Variants in HTR7 observed in about 807,000 individuals in gnomAD.
HTR7 encodes 5-HT-7.
In HTR7, 16 loss-of-function variants were observed where a neutral mutation model predicts 34.0. That is an observed-to-expected ratio of 0.47 (90% CI 0.32 to 0.71). The LOEUF is 0.71. Ranked by LOEUF, HTR7 falls within the 30% of genes least tolerant of loss-of-function variation. The pLI, the probability that HTR7 is intolerant of heterozygous loss-of-function variation, is 0.04. For synonymous variants in HTR7, 265 were observed against 260.2 expected (o/e 1.02, Z -0.18); for missense variants, 504 against 625.5 (o/e 0.81, Z 2.07).
At chr10:90,827,761 A>G (rs1382530226) in intron 1 of HTR7, among the ~76,000 whole-genome samples, 1 of 152,178 alleles carries the variant, frequency 6.6e-6, no homozygotes, top group African/African-American at 2.4e-5. Flanking sequence ...AGAGAGATAA[A>G]CCCCAATACA....
chr10:90,804,182 A>G (rs1233706652), intron 1 of HTR7, among the ~76,000 whole-genome samples: 1 of 152,012 alleles, frequency 6.6e-6, no homozygotes, highest in African/African-American at 2.4e-5. Context: ...GGGAAAGATC[A>G]CCTTCTTCCC....
rs796880051 is a variant in HTR7 at position 90,793,548 on chromosome 10, A to AC, written c.540-43955_540-43954insG. Reference sequence around the variant, plus strand: ...TTTTAAGAAAGCTCAAAAAAAAAAAAAAAGATCACCTTGGAATTACAGACA... The same window carrying AC: ...TTTTAAGAAAGCTCAAAAAAAAAAAACAAAGATCACCTTGGAATTACAGACA... On this transcript the variant is annotated intron_variant, in intron 1 of 3. Coordinates refer to ENST00000336152, the MANE Select transcript of HTR7 (RefSeq NM_019859.4). 8.7e-3 allele frequency among the ~76,000 whole-genome samples: 1,319 copies of AC among 150,770 alleles called. 24 individuals carry two copies. The highest frequency in any genetic ancestry group is 0.03 in the African/African-American group (1,221 of 41,068).
At chr10:90,807,931 C>T (rs1229284653) in intron 1 of HTR7, among the ~76,000 whole-genome samples, 2 of 152,176 alleles carry the variant, frequency 1.3e-5, no homozygotes, top group Non-Finnish European at 2.9e-5. Context: ...TCTCACTATC[C>T]CTCAACCACT....
intron 1 of HTR7, among the ~76,000 whole-genome samples, chr10:90,766,457 G>A (rs1437233071): frequency 6.6e-6 from 1 of 152,030 alleles, no homozygotes; most frequent in African/African-American, 2.4e-5. Flanking sequence ...GCATGTTATT[G>A]GCTCTTATTT....
Position 90,857,280 on chromosome 10 carries a change from GCCA to G in HTR7, c.389_391del (p.Val130del). ...GCTGACGAAGGGCATGACCGCCACA[GCCA>G]CCGAGAGGTCGGCCAGCGCCAGGGA... On this transcript the variant is annotated inframe_deletion, in exon 1 of 4. Coordinates refer to ENST00000336152, the MANE Select transcript of HTR7 (RefSeq NM_019859.4). This position sits in a 1 kb window ranked among gnomAD's most constrained non-coding sequence, Gnocchi z 6.5. The G allele has an allele frequency of 6.2e-7, 1 of 1,613,864 alleles. No homozygotes were observed. The highest frequency in any genetic ancestry group is 8.5e-7 in the Non-Finnish European group (1 of 1,179,966).
chr10:90,789,658 G>A (rs1845435580), intron 1 of HTR7, among the ~76,000 whole-genome samples: 1 of 152,110 alleles, frequency 6.6e-6, no homozygotes, highest in African/African-American at 2.4e-5. Context: ...AGCCTTTCGT[G>A]ATTGCATAAA....
At chr10:90,847,263 G>A (rs559805741) in intron 1 of HTR7, among the ~76,000 whole-genome samples, 9 of 151,778 alleles carry the variant, frequency 5.9e-5, no homozygotes, top group Admixed American at 5.9e-4. Flanking sequence ...ATTTGGGAGT[G>A]GTCTGTAAGC....
chr10:90,841,558 A>T (rs1021966814), intron 1 of HTR7, among the ~76,000 whole-genome samples: 4 of 152,098 alleles, frequency 2.6e-5, no homozygotes, highest in Admixed American at 2.0e-4. Context: ...AATACCTCTG[A>T]TCCTAAGGGT....
At chr10:90,830,932 T>A (rs1177414875) in intron 1 of HTR7, among the ~76,000 whole-genome samples, 3 of 152,162 alleles carry the variant, frequency 2.0e-5, no homozygotes, top group East Asian at 1.9e-4. Flanking sequence ...TGTTGGAGGA[T>A]CTCCAGACAA....
At chr10:90,826,076 C>A (rs937953277) in intron 1 of HTR7, among the ~76,000 whole-genome samples, 6 of 151,770 alleles carry the variant, frequency 4.0e-5, no homozygotes, top group African/African-American at 1.5e-4. Flanking sequence ...TCCCAAAGGT[C>A]GAAGATAAAG....
At chr10:90,778,569 T>C (rs115595889) in intron 1 of HTR7, among the ~76,000 whole-genome samples, 1,756 of 152,316 alleles carry the variant, frequency 0.012, 36 homozygotes, top group African/African-American at 0.038. Flanking sequence ...TTAGGTATTA[T>C]GTTACAAACA....
chr10:90,830,000 A>G (rs546513220), intron 1 of HTR7, among the ~76,000 whole-genome samples: 2 of 152,398 alleles, frequency 1.3e-5, no homozygotes, highest in South Asian at 2.1e-4. Flanking sequence ...TAAAATGTCC[A>G]TATTAACCAA....
Position 90,830,835 on chromosome 10 carries a change from C to T in HTR7, c.539+26298G>A, listed in dbSNP as rs184537996. 1.6e-4 allele frequency among the ~76,000 whole-genome samples: 24 copies of T among 150,030 alleles called. No homozygotes were observed. In the East Asian group the frequency reaches 2.1e-3, roughly 13 times the overall value. On this transcript the variant is annotated intron_variant, in intron 1 of 3. Transcript: ENST00000336152. ...AAGCAAACAAGCTTTGGCCCAGTTA[C>T]GATGCTCCACAAAAAAGTTAAAAAT... is the stretch of plus-strand genomic sequence containing the variant.
intron 1 of HTR7, among the ~76,000 whole-genome samples, chr10:90,752,407 C>G (rs1186860202): frequency 6.6e-6 from 1 of 152,086 alleles, no homozygotes; most frequent in East Asian, 1.9e-4. Flanking sequence ...TTTTAAAATA[C>G]TTAAATCCAT....
At chr10:90,828,669 G>A (rs968097063) in intron 1 of HTR7, among the ~76,000 whole-genome samples, 7 of 151,926 alleles carry the variant, frequency 4.6e-5, no homozygotes, top group East Asian at 3.9e-4. Context: ...TGAACATACC[G>A]ATAACAAGTA....
chr10:90,855,175 A>G (rs1169221268), intron 1 of HTR7, among the ~76,000 whole-genome samples: 2 of 152,238 alleles, frequency 1.3e-5, no homozygotes, highest in Non-Finnish European at 2.9e-5. Flanking sequence ...GAGAATCTAT[A>G]TGCCTATGTT....
chr10:90,752,110 C>A (rs1177196464), intron 1 of HTR7, among the ~76,000 whole-genome samples: 13 of 152,110 alleles, frequency 8.5e-5, no homozygotes. Context: ...AGACATCCTA[C>A]AATAAGGTAG....
chr10:90,755,666 C>T (rs1245119797), intron 1 of HTR7, among the ~76,000 whole-genome samples: 1 of 152,142 alleles, frequency 6.6e-6, no homozygotes, highest in Non-Finnish European at 1.5e-5. Context: ...AATGAAATGT[C>T]ACTAACAGCC....
At chr10:90,780,731 A>C (rs1245200451) in intron 1 of HTR7, among the ~76,000 whole-genome samples, 3 of 152,166 alleles carry the variant, frequency 2.0e-5, no homozygotes, top group African/African-American at 7.2e-5. Context: ...AAGGTCAACC[A>C]ATATCATCAA....
Sources: allele counts gnomAD v4.1 joint callset (sites outside exome capture counted in the v4.1 genomes callset), GRCh38; gene constraint gnomAD v4.1.1; non-coding constraint Gnocchi (gnomAD v3.1); transcripts MANE v1.5; gene names NCBI Gene and HGNC (gene_info 2026-07-23, HGNC 2026-07-21).